Variants in SLC19A3 observed in about 807,000 individuals in gnomAD.
The protein encoded by SLC19A3 is thiamine transporter 2.
Under a neutral mutation model 40.2 loss-of-function variants are expected in SLC19A3, and 31 were observed. That is an observed-to-expected ratio of 0.77 (90% CI 0.58 to 1.04). The LOEUF (loss-of-function observed/expected upper bound fraction) is 1.04. SLC19A3 is among the 50% of genes least tolerant of loss of function. The pLI is 0.00. For synonymous variants in SLC19A3, 212 were observed against 227.5 expected, an observed-to-expected ratio of 0.93 and a Z score of 0.61; for missense variants, 592 against 596.7, an observed-to-expected ratio of 0.99 and a Z score of 0.08.
intron 3 of SLC19A3, among the ~76,000 whole-genome samples, chr2:227,696,493 A>T (rs2106326479): frequency 6.6e-6 from 1 of 152,256 alleles, no homozygotes; most frequent in African/African-American, 2.4e-5. Flanking sequence ...TTCTTTTCTC[A>T]GTTTTTGCTG....
rs987409474 is a variant in SLC19A3 at position 227,699,036 on chromosome 2, C to T, written c.679G>A (p.Gly227Ser). 36 of 1,614,094 alleles carry T rather than the reference C, an allele frequency of 2.2e-5. No individual in the cohort carries two copies. The highest frequency in any genetic ancestry group is 1.6e-5 in the Non-Finnish European group (19 of 1,180,052). ...LEETHEGEAP[G>S]CEEQKPTSEI... ...GATGTGGGTTTCTGCTCTTCACAGC[C>T]TGGTGCTTCACCTTCGTGAGTTTCC... is the stretch of plus-strand genomic sequence containing the variant. Residue 227 changes from glycine to serine, a missense_variant, in exon 3 of 6, where the codon GGC becomes AGC. Physicochemically the swap from Gly to Ser is moderately conservative, Grantham distance 56. Coordinates refer to ENST00000644224, the MANE Select transcript of SLC19A3 (RefSeq NM_025243.4).
At chr2:227,689,728 G>C (rs147289105) in intron 4 of SLC19A3, among the ~76,000 whole-genome samples, 24 of 152,256 alleles carry the variant, frequency 1.6e-4, no homozygotes, top group Middle Eastern at 6.8e-3. Context: ...CACTGTAACT[G>C]GGGTATGTAA....
chr2:227,701,798 A>C (rs751899475), intron 2 of SLC19A3: 9 of 177,956 alleles, frequency 5.1e-5, no homozygotes, highest in Non-Finnish European at 8.3e-5. Context: ...ATTTTTTATG[A>C]GATCCTGCTT....
chr2:227,700,486 C>T (rs953447856), intron 2 of SLC19A3, among the ~76,000 whole-genome samples: 15 of 151,920 alleles, frequency 9.9e-5, no homozygotes, highest in Non-Finnish European at 1.5e-4. Context: ...TGCAGAGAGC[C>T]GAGACTGTGC....
Position 227,699,496 on chromosome 2 carries a change from G to A in SLC19A3, c.219C>T (p.Leu73=), listed in dbSNP as rs1695589641. 1 of 1,614,068 alleles carries A rather than the reference G, an allele frequency of 6.2e-7. No individual in the cohort carries two copies. The highest frequency in any genetic ancestry group is 1.3e-5 in the African/African-American group (1 of 74,924). The part of the protein sequence containing the change: ...YLVLLLPVFV[L]TDYVRYKPVI... ...CTGGCTTGTAGCGGACATAATCGGT[G>A]AGGACAAACACAGGCAGCAGCAGCA... Residue 73 remains leucine (L), a synonymous_variant, in exon 3 of 6, where the codon CTC becomes CTT. Coordinates refer to ENST00000644224, the MANE Select transcript of SLC19A3 (RefSeq NM_025243.4).
At chr2:227,713,845 A>C (rs570788990) in intron 1 of SLC19A3, among the ~76,000 whole-genome samples, 10 of 152,206 alleles carry the variant, frequency 6.6e-5, no homozygotes, top group Non-Finnish European at 1.5e-4. Flanking sequence ...AAAATAAAGC[A>C]GTCTCAAACA....
intron 1 of SLC19A3, chr2:227,706,239 A>T (rs1695937986): frequency 9.4e-7 from 1 of 1,060,952 alleles, no homozygotes; most frequent in South Asian, 4.8e-5. Flanking sequence ...CCTCTAAAAA[A>T]GTGCTCTAAA....
In SLC19A3 at chr2:227,695,884, C is replaced by G; in HGVS notation, c.1172+5G>C. The G allele has an allele frequency of 6.2e-7, 1 of 1,613,738 alleles. No homozygotes were observed. Among genetic ancestry groups the G allele is most frequent in the Non-Finnish European group, 8.5e-7 (1 of 1,179,942 alleles). On this transcript the variant is annotated splice_donor_5th_base_variant and intron_variant, in intron 4 of 5. Transcript: ENST00000644224. ...TCAGTTTTAGGAGTGGTTGGTAAAA[C>G]TTACACTGCTATGGTTATAAGAAGC...
At chr2:227,688,431 A>AAGAG (rs556969483) in intron 4 of SLC19A3, 124 bp from the exon 5 acceptor site, 23 of 790,844 alleles carry the variant, frequency 2.9e-5, no homozygotes, top group Admixed American at 1.2e-4. Flanking sequence ...TAGTCCAGCA[A>AAGAG]AGAGAGAGAG....
chr2:227,704,392 T>C (rs1021329673), intron 1 of SLC19A3, among the ~76,000 whole-genome samples: 1 of 152,234 alleles, frequency 6.6e-6, no homozygotes, highest in East Asian at 1.9e-4. Context: ...GAATTACTTA[T>C]GCAATCTTTT....
chr2:227,690,163 A>T (rs1222649887), intron 4 of SLC19A3, among the ~76,000 whole-genome samples: 1 of 152,212 alleles, frequency 6.6e-6, no homozygotes, highest in African/African-American at 2.4e-5. Flanking sequence ...TCTTCAAAAG[A>T]GAGTGGTTGA....
chr2:227,708,328 T>C (rs1696021496), intron 1 of SLC19A3, among the ~76,000 whole-genome samples: 1 of 152,232 alleles, frequency 6.6e-6, no homozygotes, highest in Non-Finnish European at 1.5e-5. Flanking sequence ...ATGCAACCTA[T>C]TACACAGTTG....
rs1696258923 is a variant in SLC19A3, at chr2:227,714,467, CCA to C, written c.-3+3474_-3+3475del. ...GAGTTACCTGTTTTTTTCTGTGCCC[CCA>C]GTTTCTTTCTTTCTAGAACCAAGCT... On this transcript the variant is annotated intron_variant, in intron 1 of 5. Transcript: ENST00000644224. 7 of 985,170 alleles carry C rather than the reference CCA, an allele frequency of 7.1e-6. No homozygotes were observed. The South Asian group carries it at 3.3e-4, about 46-fold the overall frequency. 61.0% of individuals were successfully genotyped at this position (985,170 alleles called of 1,614,324 possible).
chr2:227,712,264 C>A (rs1696169871), intron 1 of SLC19A3, among the ~76,000 whole-genome samples: 1 of 151,890 alleles, frequency 6.6e-6, no homozygotes, highest in Non-Finnish European at 1.5e-5. Context: ...CAGACACACA[C>A]ACACAAAGGC....
intron 1 of SLC19A3, chr2:227,706,251 G>T: frequency 8.5e-7 from 1 of 1,176,170 alleles, no homozygotes; most frequent in Non-Finnish European, 1.1e-6. Flanking sequence ...TGCTCTAAAC[G>T]TCCCTTTGCT....
At chr2:227,706,387 AG>A in intron 1 of SLC19A3, 1 of 1,231,506 alleles carries the variant, frequency 8.1e-7, no homozygotes. Context: ...TCCTTTTAAA[AG>A]TTACTCCTGT....
At chr2:227,688,395 T>C in intron 4 of SLC19A3, 88 bp from the exon 5 acceptor site, 3 of 1,248,422 alleles carry the variant, frequency 2.4e-6, no homozygotes, top group Non-Finnish European at 3.5e-6. Context: ...ACAGGGGTAT[T>C]TGTGTCACCC....
rs371394205 is a variant in SLC19A3, at chr2:227,710,434, A to T, written c.-3+7509T>A. On this transcript the variant is annotated intron_variant, in intron 1 of 5. Coordinates refer to ENST00000644224, the MANE Select transcript of SLC19A3 (RefSeq NM_025243.4). ...AATAAGGCTGGGTGCGGTGGCTTAC[A>T]CCTGTAATCCCAGCACTTTGGGAGG... Among the ~76,000 whole-genome samples the T allele has an allele frequency of 4.6e-5, 7 of 152,174 alleles. No homozygotes were observed. In the East Asian group the frequency reaches 1.2e-3, roughly 25 times the overall value.
At chr2:227,700,910 C>T in intron 2 of SLC19A3, 1 of 1,297,116 alleles carries the variant, frequency 7.7e-7, no homozygotes, top group Non-Finnish European at 1.0e-6. Context: ...TGAACGTACC[C>T]ACCTTGACAC....
Sources: gnomAD v4.1 joint callset for allele counts (sites outside exome capture counted in the v4.1 genomes callset) on GRCh38, gnomAD v4.1.1 for gene constraint, MANE v1.5 for transcripts, NCBI Gene and HGNC (gene_info 2026-07-23, HGNC 2026-07-21) for gene names.